The following DDX4 variants were observed in gnomAD, a reference collection of about 807,000 sequenced individuals.
DDX4 encodes probable ATP-dependent RNA helicase DDX4.
In DDX4, 25 loss-of-function variants were observed where a neutral mutation model predicts 100.0. That is an observed-to-expected ratio of 0.25 (90% confidence interval 0.18 to 0.35). The LOEUF is 0.35. Among genes scored for constraint, DDX4 ranks in the 10% least tolerant of loss-of-function variants. The pLI, the probability that DDX4 is intolerant of heterozygous loss-of-function variation, is 1.00. For missense variants in DDX4, 635 were observed against 882.4 expected (o/e 0.72, Z 3.55); for synonymous variants, 259 against 275.7 (o/e 0.94, Z 0.60).
At chr5:55,769,342 A>T (rs1339429763) in intron 7 of DDX4, among the ~76,000 whole-genome samples, 1 of 152,170 alleles carries the variant, frequency 6.6e-6, no homozygotes, top group African/African-American at 2.4e-5. Context: ...ATGGCTAGCC[A>T]GTTATCCTAG....
chr5:55,778,049 A>T (rs1303934443), intron 7 of DDX4, among the ~76,000 whole-genome samples: 1 of 152,144 alleles, frequency 6.6e-6, no homozygotes, highest in Non-Finnish European at 1.5e-5. Flanking sequence ...TATAAATCAT[A>T]TATTTTTCCA....
intron 7 of DDX4, among the ~76,000 whole-genome samples, chr5:55,776,760 A>G (rs1741588474): frequency 6.6e-6 from 1 of 152,204 alleles, no homozygotes; most frequent in African/African-American, 2.4e-5. Flanking sequence ...ACTAAATTGT[A>G]TACAGTAGTA....
At chr5:55,773,611 T>A (rs1741384125) in intron 7 of DDX4, among the ~76,000 whole-genome samples, 1 of 152,018 alleles carries the variant, frequency 6.6e-6, no homozygotes, top group African/African-American at 2.4e-5. Context: ...TGAAGTGGTA[T>A]CTCATTGTGG....
rs1392558099 is a variant in DDX4 at position 55,765,413 on chromosome 5, A to AAAATATAT, written c.334+1350_334+1351insAATATATA. Among the ~76,000 whole-genome samples the AAAATATAT allele has an allele frequency of 1.3e-3, 108 of 82,986 alleles. 1 individual carries two copies. Among genetic ancestry groups the AAAATATAT allele is most frequent in the Admixed American group, 5.6e-3 (33 of 5,896 alleles). The allele number at this position is 82,986 out of a possible 152,430, so 54.4% of individuals were successfully genotyped here. A position where few individuals can be genotyped will look rare whatever the true frequency, so the allele number is the denominator to read the frequency against. On this transcript the variant is annotated intron_variant, in intron 6 of 21. Transcript: ENST00000505374. ...GTTCCCCTAAAAAAAAAAAAAAAAA[A>AAAATATAT]ATATATATATATATATATATATATG...
intron 3 of DDX4, among the ~76,000 whole-genome samples, chr5:55,755,510 C>G (rs4865627): frequency 0.41 from 61,592 of 151,826 alleles, 13,979 homozygotes; most frequent in African/African-American, 0.59. Flanking sequence ...TTTTATTGTA[C>G]TATTGGATGA....
intron 17 of DDX4, among the ~76,000 whole-genome samples, chr5:55,795,555 A>G (rs1742877952): frequency 6.6e-6 from 1 of 152,210 alleles, no homozygotes; most frequent in Non-Finnish European, 1.5e-5. Context: ...GAAGCATTTG[A>G]GCCTAGAAGT....
chr5:55,803,879 C>T (rs1743505493), intron 18 of DDX4, among the ~76,000 whole-genome samples: 1 of 152,142 alleles, frequency 6.6e-6, no homozygotes, highest in African/African-American at 2.4e-5. Context: ...ATTTCTAGTT[C>T]TAGATCCCTG....
chr5:55,800,400 T>G (rs1385842534), intron 18 of DDX4, among the ~76,000 whole-genome samples: 1 of 151,024 alleles, frequency 6.6e-6, no homozygotes, highest in African/African-American at 2.4e-5. Context: ...CTCGGCTCAC[T>G]GCAACCTCTG....
At chr5:55,815,891 C>T (rs961598498) in intron 21 of DDX4, among the ~76,000 whole-genome samples, 1 of 150,718 alleles carries the variant, frequency 6.6e-6, no homozygotes, top group African/African-American at 2.4e-5. Flanking sequence ...CATGCCTCAG[C>T]CTCCAGTGTA....
At chr5:55,791,951 AAC>A (rs372353234) in intron 16 of DDX4, among the ~76,000 whole-genome samples, 9 of 150,612 alleles carry the variant, frequency 6.0e-5, no homozygotes, top group Non-Finnish European at 7.4e-5. Flanking sequence ...CTCTACTAAA[AAC>A]ACACACACAC....
chr5:55,747,792 ATAACTT>A (rs2111619366), intron 3 of DDX4, among the ~76,000 whole-genome samples: 1 of 152,200 alleles, frequency 6.6e-6, no homozygotes, highest in East Asian at 1.9e-4. Context: ...TTGAGTTACT[ATAACTT>A]TACTATGAGT....
chr5:55,784,202 CAGG>C (rs1561501128), intron 10 of DDX4, among the ~76,000 whole-genome samples: 1 of 152,080 alleles, frequency 6.6e-6, no homozygotes, highest in Non-Finnish European at 1.5e-5. Flanking sequence ...GGGGCGGAGT[CAGG>C]GGGCGGGGGA....
At chr5:55,795,076 C>T (rs563689828) in intron 17 of DDX4, among the ~76,000 whole-genome samples, 108 of 152,032 alleles carry the variant, frequency 7.1e-4, no homozygotes, top group Non-Finnish European at 1.3e-3. Flanking sequence ...AGCGACTCTC[C>T]TCCCTCAGCC....
intron 18 of DDX4, among the ~76,000 whole-genome samples, chr5:55,803,854 G>A (rs1383509856): frequency 6.6e-6 from 1 of 152,148 alleles, no homozygotes; most frequent in Non-Finnish European, 1.5e-5. Flanking sequence ...TAATGGGATG[G>A]CTGGGTCAAA....
intron 19 of DDX4, 83 bp from the exon 20 acceptor site, chr5:55,814,813 TTAAAA>T (rs1744301177): frequency 1.7e-5 from 24 of 1,451,584 alleles, no homozygotes; most frequent in Non-Finnish European, 2.2e-5. Context: ...CATACTATTA[TTAAAA>T]AGAAATTTGT....
chr5:55,816,740 A>AT lies in DDX4; in HGVS notation c.*201dup. 1.1e-6 allele frequency: 1 copy of AT among 870,758 alleles called. No individual in the cohort carries two copies. Among genetic ancestry groups the AT allele is most frequent in the Non-Finnish European group, 1.6e-6 (1 of 610,474 alleles). 53.9% of individuals were successfully genotyped at this position (870,758 alleles called of 1,614,324 possible). A position where few individuals can be genotyped will look rare whatever the true frequency, so the allele number is the denominator to read the frequency against. On this transcript the variant is annotated 3_prime_UTR_variant, in exon 22 of 22. Transcript: ENST00000505374. ...TACAACATTGCAGTTACTGATACAAATGGTGTTAACTGGGAATATTAAAGC... is the reference window on the plus strand; with the variant it reads ...TACAACATTGCAGTTACTGATACAAATTGGTGTTAACTGGGAATATTAAAGC...
chr5:55,802,936 C>T (rs1743415047), intron 18 of DDX4, among the ~76,000 whole-genome samples: 1 of 151,000 alleles, frequency 6.6e-6, no homozygotes, highest in African/African-American at 2.4e-5. Flanking sequence ...TATTTTCTTT[C>T]TTTTTTTTTA....
At chr5:55,780,151 A>T (rs1741821046) in intron 8 of DDX4, 86 bp downstream of exon 8, 2 of 1,541,938 alleles carry the variant, frequency 1.3e-6, no homozygotes, top group Non-Finnish European at 1.7e-6. Context: ...GAAGGTTGTT[A>T]TGAGGATTAT....
intron 3 of DDX4, among the ~76,000 whole-genome samples, chr5:55,751,538 T>C (rs1300071076): frequency 6.6e-6 from 1 of 152,246 alleles, no homozygotes; most frequent in African/African-American, 2.4e-5. Context: ...CCCAGCATCA[T>C]TGCTTTACTA....
Sources: gnomAD v4.1 joint callset for allele counts (sites outside exome capture counted in the v4.1 genomes callset) on GRCh38, gnomAD v4.1.1 for gene constraint, MANE v1.5 for transcripts, NCBI Gene and HGNC (gene_info 2026-07-23, HGNC 2026-07-21) for gene names.